RBM34: variants seen among roughly 807,000 people sequenced by gnomAD.
RBM34 encodes the protein RNA binding motif protein 34.
Under a neutral mutation model 44.6 loss-of-function variants are expected in RBM34, and 39 were observed. That is an observed-to-expected ratio of 0.87 (90% CI 0.68 to 1.14). The LOEUF (loss-of-function observed/expected upper bound fraction) is 1.14. Ranked by LOEUF, RBM34 falls within the 50% of genes most tolerant of loss-of-function variation. The probability of loss-of-function intolerance (pLI) is 0.00; values close to 1 mark genes in which losing one functional copy is unlikely to be tolerated. For missense variants in RBM34, 572 were observed against 517.9 expected (o/e 1.10, Z -1.01); for synonymous variants, 194 against 184.0 (o/e 1.05, Z -0.44).
chr1:235,148,401 T>G lies in RBM34; in HGVS notation c.701+3A>C. On this transcript the variant is annotated splice_donor_region_variant and intron_variant, in intron 6 of 10. Transcript: ENST00000408888. ...GACTCCCTTTCTCTAATTATAAACTTACTTTATTGCTGCCAACTTTTTGGA... is the reference window on the plus strand; with the variant it reads ...GACTCCCTTTCTCTAATTATAAACTGACTTTATTGCTGCCAACTTTTTGGA... 6.3e-7 allele frequency: 1 copy of G among 1,592,894 alleles called. No individual in the cohort carries two copies. Among genetic ancestry groups the G allele is most frequent in the Non-Finnish European group, 8.5e-7 (1 of 1,170,378 alleles).
intron 6 of RBM34, among the ~76,000 whole-genome samples, chr1:235,144,722 G>C (rs1338587302): frequency 6.6e-6 from 1 of 151,970 alleles, no homozygotes; most frequent in Non-Finnish European, 1.5e-5. Context: ...ACTTCTGCTG[G>C]AGAACAAAGC....
rs368938780 is a variant in RBM34 at position 235,152,724 on chromosome 1, A to G, written c.639T>C (p.Ser213=). The G allele has an allele frequency of 1.2e-6, 2 of 1,602,094 alleles. No homozygotes were observed. Among genetic ancestry groups the G allele is most frequent in the Non-Finnish European group, 1.7e-6 (2 of 1,174,222 alleles). The change falls in exon 5 of 11, where the codon TCT becomes TCC. Residue 213 remains serine, a synonymous_variant. Coordinates refer to ENST00000408888, the MANE Select transcript of RBM34 (RefSeq NM_015014.4). ...AACATACCAGAGAACGAAATCGTACAGATTCTATTTGTCCATACTCTTTAA... is the reference window on the plus strand; with the variant it reads ...AACATACCAGAGAACGAAATCGTACGGATTCTATTTGTCCATACTCTTTAA... ...SFFKEYGQIE[S]VRFRSLIPAE... is the part of the protein sequence containing the mutation.
chr1:235,140,934 A>C (rs1024591734), intron 6 of RBM34, among the ~76,000 whole-genome samples: 1 of 152,114 alleles, frequency 6.6e-6, no homozygotes, highest in African/African-American at 2.4e-5. Flanking sequence ...TAAATACACC[A>C]ATCAGCACTC....
intron 3 of RBM34, chr1:235,160,178 G>T: frequency 2.3e-6 from 1 of 442,500 alleles, no homozygotes; most frequent in Non-Finnish European, 4.5e-6. Context: ...CTTGAACCTG[G>T]GAAGCGGAGG....
chr1:235,141,760 C>T (rs991267055), intron 6 of RBM34, among the ~76,000 whole-genome samples: 1 of 152,194 alleles, frequency 6.6e-6, no homozygotes, highest in Admixed American at 6.5e-5. Context: ...TCCAGACGCG[C>T]TGCCTTAAGA....
intron 4 of RBM34, among the ~76,000 whole-genome samples, chr1:235,154,099 A>G (rs1187114174): frequency 1.3e-5 from 2 of 152,090 alleles, no homozygotes; most frequent in Non-Finnish European, 2.9e-5. Flanking sequence ...ACAAAAAATT[A>G]GCTGGGCGTG....
In RBM34 at chr1:235,135,027, A is replaced by AGCCACC. The variant is rs550831812; in HGVS notation, c.1008+619_1008+624dup. ...CCAAAGTGCTGGGATTACAGGCATA[A>AGCCACC]GCCACCACATCTGGCCGGTTTGTTT... On this transcript the variant is annotated intron_variant, in intron 10 of 10. Coordinates refer to ENST00000408888, the MANE Select transcript of RBM34 (RefSeq NM_015014.4). Among the ~76,000 whole-genome samples the AGCCACC allele has an allele frequency of 8.0e-5, 12 of 150,486 alleles. No individual in the cohort carries two copies. The South Asian group carries it at 2.1e-3, about 26-fold the overall frequency.
rs376959692 is a variant in RBM34, at chr1:235,148,427, T to C, written c.678A>G (p.Leu226=). 66 of 1,598,098 alleles carry C rather than the reference T, an allele frequency of 4.1e-5. 1 individual carries two copies. The highest frequency in any genetic ancestry group is 5.6e-5 in the Non-Finnish European group (66 of 1,173,520). ...FRSLIPAEGT[L]SKKLAAIKRK... ...ACTTTATTGCTGCCAACTTTTTGGA[T>C]AGCGTTCCCTCTGCTGGAATCTTTC... The change falls in exon 6 of 11, where the codon CTA becomes CTG. Residue 226 remains leucine, a synonymous_variant. Transcript: ENST00000408888.
chr1:235,154,733 G>C, intron 4 of RBM34, 148 bp downstream of exon 4: 1 of 682,158 alleles, frequency 1.5e-6, no homozygotes, highest in Non-Finnish European at 2.5e-6. Flanking sequence ...GAAAAGGAGG[G>C]GGTGGATACT....
chr1:235,141,145 C>G (rs1169822589), intron 6 of RBM34, among the ~76,000 whole-genome samples: 1 of 151,690 alleles, frequency 6.6e-6, no homozygotes, highest in Non-Finnish European at 1.5e-5. Context: ...AATCGGCACC[C>G]TGTGTTTAGC....
chr1:235,135,762 C>G lies in RBM34; in HGVS notation c.898G>C (p.Glu300Gln), dbSNP rs747761908. 44 of 1,613,308 alleles carry G rather than the reference C, an allele frequency of 2.7e-5. No individual in the cohort carries two copies. The South Asian group carries it at 4.6e-4, about 17-fold the overall frequency. The change falls in exon 10 of 11, where the codon GAA becomes CAA. Residue 300 changes from glutamate (E) to glutamine (Q), a missense_variant. Glu to Gln is a conservative substitution (Grantham distance 29). Coordinates refer to ENST00000408888, the MANE Select transcript of RBM34 (RefSeq NM_015014.4). ...AGAAAGTGCTTCTCAATGGCAGATT[C>G]TTCAACTTCTGAAAACAAATTCAAT... ...FVGNLPYKVE[E>Q]SAIEKHFLDC... is the part of the protein sequence containing the mutation.
intron 8 of RBM34, among the ~76,000 whole-genome samples, chr1:235,137,335 G>T (rs2102828460): frequency 6.6e-6 from 1 of 152,280 alleles, no homozygotes; most frequent in African/African-American, 2.4e-5. Flanking sequence ...GATGTCTAAT[G>T]TACCTTCTGA....
intron 3 of RBM34, among the ~76,000 whole-genome samples, chr1:235,159,529 C>T (rs548823757): frequency 4.9e-4 from 68 of 139,392 alleles, no homozygotes; most frequent in African/African-American, 1.7e-3. Flanking sequence ...GCCTTGGCGA[C>T]AGAGTGAGAC....
chr1:235,161,232 C>A lies in RBM34; in HGVS notation c.-6G>T, dbSNP rs760976105. 6.2e-7 allele frequency: 1 copy of A among 1,613,460 alleles called. No homozygotes were observed. The highest frequency in any genetic ancestry group is 8.5e-7 in the Non-Finnish European group (1 of 1,179,828). On this transcript the variant is annotated 5_prime_UTR_variant, in exon 1 of 11. Transcript: ENST00000408888. ...CTCATCCCTTCCAAGGCCATTCTTACTCCAAAGACTCCCAGACTGCAGCTG... is the reference window on the plus strand; with the variant it reads ...CTCATCCCTTCCAAGGCCATTCTTAATCCAAAGACTCCCAGACTGCAGCTG...
At chr1:235,140,613 G>A (rs978449846) in intron 6 of RBM34, among the ~76,000 whole-genome samples, 9 of 152,130 alleles carry the variant, frequency 5.9e-5, no homozygotes, top group Admixed American at 2.0e-4. Context: ...GAGCCTCCCC[G>A]AGGAGCGCCA....
intron 6 of RBM34, among the ~76,000 whole-genome samples, chr1:235,142,049 A>T (rs1376420234): frequency 6.6e-6 from 1 of 152,182 alleles, no homozygotes; most frequent in Non-Finnish European, 1.5e-5. Context: ...CAGGGCACAG[A>T]GAAGACCCCT....
At chr1:235,145,131 A>T (rs1355281745) in intron 6 of RBM34, among the ~76,000 whole-genome samples, 1 of 152,208 alleles carries the variant, frequency 6.6e-6, no homozygotes, top group Admixed American at 6.5e-5. Flanking sequence ...TGATTTCATG[A>T]ACATCCCACA....
intron 3 of RBM34, among the ~76,000 whole-genome samples, chr1:235,158,816 C>G (rs1281338296): frequency 1.3e-5 from 2 of 152,116 alleles, no homozygotes; most frequent in East Asian, 1.9e-4. Context: ...TTCAAATACA[C>G]TGTTAAACAA....
intron 10 of RBM34, among the ~76,000 whole-genome samples, chr1:235,134,736 C>T (rs531503571): frequency 6.8e-6 from 1 of 146,868 alleles, no homozygotes; most frequent in South Asian, 2.1e-4. Flanking sequence ...ATTCAGTTCT[C>T]GTTTTCGGGT....
Sources: gnomAD v4.1 joint callset for allele counts (sites outside exome capture counted in the v4.1 genomes callset) on GRCh38, gnomAD v4.1.1 for gene constraint, MANE v1.5 for transcripts, NCBI Gene and HGNC (gene_info 2026-07-23, HGNC 2026-07-21) for gene names.